NAT2: variants seen among roughly 807,000 people sequenced by gnomAD.
NAT2 encodes the protein arylamine N-acetyltransferase 2.
For missense variants in NAT2, 428 were observed against 339.1 expected (o/e 1.26, Z -2.06); for synonymous variants, 137 against 125.9 (o/e 1.09, Z -0.59).
chr8:18,386,803 G>A (rs1447553923), upstream of NAT2, among the ~76,000 whole-genome samples: 2 of 151,674 alleles, frequency 1.3e-5, no homozygotes, highest in Non-Finnish European at 1.5e-5. Context: ...CTGGAGGGCC[G>A]GATCTGGTTC....
intron 1 of NAT2, among the ~76,000 whole-genome samples, chr8:18,392,966 G>A (rs960374616): frequency 2.6e-5 from 4 of 152,170 alleles, no homozygotes; most frequent in African/African-American, 7.2e-5. Flanking sequence ...ACTCTCAATC[G>A]CTCTGGATCC....
At position 18,396,895 on chromosome 8, in the gene NAT2, T is replaced by A. The variant is rs45520143; in HGVS notation, c.-6-3103T>A. ...TCTAATGTCTCAGTTCTCAAAGCAA[T>A]CTAGGTAAACTGCTAACAATGAATA... On this transcript the variant is annotated intron_variant, in intron 1 of 1. Coordinates refer to ENST00000286479, the MANE Select transcript of NAT2 (RefSeq NM_000015.3). 5.3e-3 allele frequency among the ~76,000 whole-genome samples: 808 copies of A among 152,272 alleles called. 4 individuals carry two copies. The highest frequency in any genetic ancestry group is 0.02 in the Middle Eastern group (6 of 294).
intron 1 of NAT2, among the ~76,000 whole-genome samples, chr8:18,399,796 C>G (rs1470812707): frequency 1.3e-5 from 2 of 152,174 alleles, no homozygotes; most frequent in African/African-American, 2.4e-5. Flanking sequence ...ACTTTCCTTA[C>G]AGGGTTCTGA....
rs556862959 is a variant in NAT2 at position 18,399,878 on chromosome 8, C to G, written c.-6-120C>G. The G allele has an allele frequency of 3.7e-5, 42 of 1,130,574 alleles. No individual in the cohort carries two copies. The South Asian group carries it at 6.8e-4, about 18-fold the overall frequency. The allele number at this position is 1,130,574 out of a possible 1,614,324, so 70.0% of individuals were successfully genotyped here. On this transcript the variant is annotated intron_variant, in intron 1 of 1. Transcript: ENST00000286479. ...AATACTAACAAAAGAATTACTATGA[C>G]AGATACTTATAACCATTGTGTTTTT...
chr8:18,400,828 G>T lies in NAT2; in HGVS notation c.825G>T (p.Leu275Phe). 6.2e-7 allele frequency: 1 copy of T among 1,608,156 alleles called. No homozygotes were observed. The highest frequency in any genetic ancestry group is 8.5e-7 in the Non-Finnish European group (1 of 1,178,340). The change falls in exon 2 of 2, where the codon TTG becomes TTT. Residue 275 changes from leucine (L) to phenylalanine (F), a missense_variant. Physicochemically the swap from Leu to Phe is conservative, Grantham distance 22. Transcript: ENST00000286479. ...TGAGAAATATATTTAAGATTTCCTT[G>T]GGGAGAAATCTCGTGCCCAAACCTG... The part of the protein sequence containing the change: ...EVLRNIFKIS[L>F]GRNLVPKPGD...
At position 18,400,423 on chromosome 8, in the gene NAT2, G is replaced by T. The variant is rs757427760; in HGVS notation, c.420G>T (p.Gly140=). ...GGCAGCCTCTAGAATTAATTTCTGG[G>T]AAGGATCAGCCTCAGGTGCCTTGCA... The part of the protein sequence containing the change: ...QMWQPLELIS[G]KDQPQVPCIF... Residue 140 remains glycine (G), a synonymous_variant, in exon 2 of 2, where the codon GGG becomes GGT. Transcript: ENST00000286479. The T allele has an allele frequency of 1.9e-6, 3 of 1,612,332 alleles. No homozygotes were observed. The highest frequency in any genetic ancestry group is 2.2e-5 in the South Asian group (2 of 90,744).
chr8:18,394,416 A>G (rs2087852), intron 1 of NAT2, among the ~76,000 whole-genome samples: 39,258 of 152,100 alleles, frequency 0.26, 5,288 homozygotes, highest in South Asian at 0.35. Flanking sequence ...TTTTTTGCAT[A>G]AAGGGCAGCA....
chr8:18,397,840 C>T (rs888658730), intron 1 of NAT2, among the ~76,000 whole-genome samples: 1 of 152,106 alleles, frequency 6.6e-6, no homozygotes, highest in African/African-American at 2.4e-5. Context: ...TTAACTCTCT[C>T]TTTCAACTTT....
chr8:18,394,449 G>A (rs1800648631), intron 1 of NAT2, among the ~76,000 whole-genome samples: 1 of 152,132 alleles, frequency 6.6e-6, no homozygotes, highest in East Asian at 1.9e-4. Flanking sequence ...TACTATATAG[G>A]CTCCTTTTTA....
At chr8:18,387,390 C>G (rs1007366604), upstream of NAT2, 4 of 152,928 alleles carry the variant, frequency 2.6e-5, no homozygotes, top group African/African-American at 9.6e-5. Flanking sequence ...TGGCCTCCAG[C>G]TCTCGTGCCT....
At chr8:18,389,588 G>C (rs528350324), upstream of NAT2, among the ~76,000 whole-genome samples, 3 of 152,228 alleles carry the variant, frequency 2.0e-5, no homozygotes, top group South Asian at 6.2e-4. Context: ...AACACCAAAT[G>C]TCAATCAGGA....
In NAT2 at chr8:18,395,579, G is replaced by A. The variant is rs577579416; in HGVS notation, c.-7+4234G>A. On this transcript the variant is annotated intron_variant, in intron 1 of 1. Coordinates refer to ENST00000286479, the MANE Select transcript of NAT2 (RefSeq NM_000015.3). ...GAATATGTCTGTTTTTGGCTTCAGGGGACTTAATATCAAAAAAGATAATGA... is the reference window on the plus strand; with the variant it reads ...GAATATGTCTGTTTTTGGCTTCAGGAGACTTAATATCAAAAAAGATAATGA... Among the ~76,000 whole-genome samples the A allele has an allele frequency of 4.8e-4, 73 of 152,000 alleles. 1 individual carries two copies. In the South Asian group the frequency reaches 0.014, roughly 29 times the overall value.
intron 1 of NAT2, among the ~76,000 whole-genome samples, chr8:18,395,025 A>G (rs1800660580): frequency 6.6e-6 from 1 of 152,232 alleles, no homozygotes; most frequent in African/African-American, 2.4e-5. Context: ...CTGAAAAACA[A>G]AAGTGGCAAT....
upstream of NAT2, among the ~76,000 whole-genome samples, chr8:18,389,180 T>G (rs1208460202): frequency 6.6e-6 from 1 of 152,182 alleles, no homozygotes; most frequent in Non-Finnish European, 1.5e-5. Context: ...ATTGCAACAT[T>G]TTAATTCCAG....
Position 18,400,441 on chromosome 8 carries a change from G to T in NAT2, c.438G>T (p.Val146=). Residue 146 remains valine (V), a synonymous_variant, in exon 2 of 2, where the codon GTG becomes GTT. Coordinates refer to ENST00000286479, the MANE Select transcript of NAT2 (RefSeq NM_000015.3). ...TTTCTGGGAAGGATCAGCCTCAGGTGCCTTGCATTTTCTGCTTGACAGAAG... is the reference window on the plus strand; with the variant it reads ...TTTCTGGGAAGGATCAGCCTCAGGTTCCTTGCATTTTCTGCTTGACAGAAG... ...ELISGKDQPQ[V]PCIFCLTEER... The T allele has an allele frequency of 1.9e-6, 3 of 1,613,704 alleles. No individual in the cohort carries two copies. Among genetic ancestry groups the T allele is most frequent in the Non-Finnish European group, 1.7e-6 (2 of 1,179,902 alleles).
chr8:18,388,504 CAAAAAAAAA>C (rs11390514), upstream of NAT2, among the ~76,000 whole-genome samples: 1 of 78,486 alleles, frequency 1.3e-5, no homozygotes, highest in East Asian at 3.8e-4. Flanking sequence ...AGATAATAAG[CAAAAAAAAA>C]AAAAAAAAAA....
In NAT2 at chr8:18,400,139, C is replaced by T; in HGVS notation, c.136C>T (p.Gln46Ter). The T allele has an allele frequency of 5.6e-6, 9 of 1,614,024 alleles. No homozygotes were observed. Among genetic ancestry groups the T allele is most frequent in the Non-Finnish European group, 7.6e-6 (9 of 1,179,970 alleles). Residue 46 changes from glutamine (Q) to a stop codon, truncating the protein, a stop_gained, in exon 2 of 2, where the codon CAA becomes TAA. Coordinates refer to ENST00000286479, the MANE Select transcript of NAT2 (RefSeq NM_000015.3). LOFTEE classifies it low-confidence loss of function (END_TRUNC). ...TGAGAACCTTAACATGCATTGTGGG[C>T]AAGCCATGGAGTTGGGCTTAGAGGC... ...PFENLNMHCGQAMELGLEAIF... is the reference protein window; with the variant it reads ...PFENLNMHCG
Position 18,401,059 on chromosome 8 carries a change from G to T in NAT2, c.*183G>T. 1 of 456,064 alleles carries T rather than the reference G, an allele frequency of 2.2e-6. No individual in the cohort carries two copies. Among genetic ancestry groups the T allele is most frequent in the South Asian group, 8.8e-5 (1 of 11,350 alleles). The allele number at this position is 456,064 out of a possible 1,614,324, so 28.3% of individuals were successfully genotyped here. On this transcript the variant is annotated 3_prime_UTR_variant, in exon 2 of 2. Coordinates refer to ENST00000286479, the MANE Select transcript of NAT2 (RefSeq NM_000015.3). ...CAATAACTTTTTAAAGAAACATAAGGACACATTTTCAAATTAATAAAAATA... is the reference window on the plus strand; with the variant it reads ...CAATAACTTTTTAAAGAAACATAAGTACACATTTTCAAATTAATAAAAATA...
At chr8:18,398,136 A>C (rs1236862831) in intron 1 of NAT2, among the ~76,000 whole-genome samples, 1 of 152,168 alleles carries the variant, frequency 6.6e-6, no homozygotes, top group Non-Finnish European at 1.5e-5. Flanking sequence ...ACACAGGGGA[A>C]ATTGTCCTTT....
Sources: gnomAD v4.1 joint callset for allele counts (sites outside exome capture counted in the v4.1 genomes callset) on GRCh38, gnomAD v4.1.1 for gene constraint, MANE v1.5 for transcripts, NCBI Gene and HGNC (gene_info 2026-07-23, HGNC 2026-07-21) for gene names.